The following DYNLL1 variants were observed in gnomAD, a reference collection of about 807,000 sequenced individuals.
DYNLL1 encodes the protein dynein light chain 1, cytoplasmic.
A neutral mutation model predicts 10.1 loss-of-function variants in DYNLL1; 3 were observed. The observed-to-expected ratio is 0.30, with a 90% CI of 0.14 to 0.77. The LOEUF (loss-of-function observed/expected upper bound fraction) is 0.77. Ranked by LOEUF, DYNLL1 falls within the 30% of genes least tolerant of loss-of-function variation. DYNLL1 has a pLI of 0.66. For missense variants in DYNLL1, 47 were observed against 111.7 expected (o/e 0.42, Z 2.61); for synonymous variants, 46 against 41.2 (o/e 1.12, Z -0.45).
chr12:120,496,175 C>A lies in DYNLL1; in HGVS notation c.-48C>A, dbSNP rs909928679. 10 of 611,512 alleles carry A rather than the reference C, an allele frequency of 1.6e-5. No individual in the cohort carries two copies. Among genetic ancestry groups the A allele is most frequent in the South Asian group, 7.8e-5 (4 of 51,114 alleles). The allele number at this position is 611,512 out of a possible 1,614,324, so 37.9% of individuals were successfully genotyped here. On this transcript the variant is annotated 5_prime_UTR_variant, in exon 1 of 3. Coordinates refer to ENST00000242577, the MANE Select transcript of DYNLL1 (RefSeq NM_003746.3). ...CCGGGCCTGAGCTGTGCTAGCACCTCCCCCAGGAGACCGTTGCAGTCGGCC... is the reference window on the plus strand; with the variant it reads ...CCGGGCCTGAGCTGTGCTAGCACCTACCCCAGGAGACCGTTGCAGTCGGCC...
At chr12:120,496,075 C>T (rs1437328994), upstream of DYNLL1, 1 of 403,154 alleles carries the variant, frequency 2.5e-6, no homozygotes, top group East Asian at 5.3e-5. Context: ...AGGGCGGGGC[C>T]TGAGCACTAG....
At chr12:120,470,458 G>A (rs1299416682) in intron 1 of DYNLL1, among the ~76,000 whole-genome samples, 1 of 152,052 alleles carries the variant, frequency 6.6e-6, no homozygotes, top group Non-Finnish European at 1.5e-5. Context: ...GTGAGGCCTT[G>A]CACCAGAAGA....
chr12:120,473,375 G>A (rs1878688961), intron 1 of DYNLL1, among the ~76,000 whole-genome samples: 2 of 151,904 alleles, frequency 1.3e-5, no homozygotes. Flanking sequence ...GCTAGGCAAT[G>A]TAGTGAGACC....
At chr12:120,497,433 G>A (rs1312930009) in intron 2 of DYNLL1, 1 of 152,606 alleles carries the variant, frequency 6.6e-6, no homozygotes, top group East Asian at 1.9e-4. Context: ...GGATAGATGT[G>A]AAGAGGACGG....
At chr12:120,497,438 G>A (rs1868487237) in intron 2 of DYNLL1, 1 of 152,554 alleles carries the variant, frequency 6.6e-6, no homozygotes, top group African/African-American at 2.4e-5. Context: ...GATGTGAAGA[G>A]GACGGCTGTT....
At chr12:120,488,659 C>G (rs891442125) in intron 1 of DYNLL1, 3 of 152,256 alleles carry the variant, frequency 2.0e-5, no homozygotes, top group Non-Finnish European at 4.4e-5. Flanking sequence ...CGCAGGTAAT[C>G]CCAGCACTTT....
intron 1 of DYNLL1, among the ~76,000 whole-genome samples, chr12:120,484,976 G>C (rs1355700374): frequency 6.6e-6 from 1 of 152,200 alleles, no homozygotes; most frequent in Non-Finnish European, 1.5e-5. Context: ...CTGACCGCAA[G>C]TGATCCAACC....
intron 2 of DYNLL1, 43 bp from the exon 3 acceptor site, chr12:120,498,030 T>G: frequency 6.3e-7 from 1 of 1,594,670 alleles, no homozygotes; most frequent in Non-Finnish European, 8.6e-7. Flanking sequence ...AACACTGACC[T>G]CTGGTAATTA....
At chr12:120,492,545 T>G (rs1378007544), upstream of DYNLL1, among the ~76,000 whole-genome samples, 2 of 152,050 alleles carry the variant, frequency 1.3e-5, no homozygotes, top group Non-Finnish European at 2.9e-5. The surrounding 1 kb of genome is among the most constrained non-coding windows in gnomAD (Gnocchi z 4.1). Flanking sequence ...CCAGCCTGGG[T>G]GACAGAGCAA....
At position 120,496,365 on chromosome 12, in the gene DYNLL1, C is replaced by T. The variant is rs541588936; in HGVS notation, c.-6-51C>T. ...CCGGCCGGGGTGGGGGCAGTTAGTG[C>T]CTGGGGGGCGCGGCCCAACTCAACC... On this transcript the variant is annotated intron_variant, in intron 1 of 2. Coordinates refer to ENST00000242577, the MANE Select transcript of DYNLL1 (RefSeq NM_003746.3). 1.2e-4 allele frequency: 191 copies of T among 1,608,902 alleles called. 1 individual carries two copies. In the African/African-American group the frequency reaches 2.0e-3, roughly 17 times the overall value.
chr12:120,480,785 G>C, intron 1 of DYNLL1, among the ~76,000 whole-genome samples: 1 of 147,046 alleles, frequency 6.8e-6, no homozygotes, highest in African/African-American at 2.5e-5. Flanking sequence ...TTTTTGAGAC[G>C]GAGTCTCGCT....
intron 1 of DYNLL1, among the ~76,000 whole-genome samples, chr12:120,470,409 C>T (rs1878620290): frequency 6.6e-6 from 1 of 152,076 alleles, no homozygotes; most frequent in Admixed American, 6.5e-5. Context: ...TCCACATTCA[C>T]ATCCCAGAAC....
In DYNLL1 at chr12:120,496,529, G is replaced by C; in HGVS notation, c.108G>C (p.Lys36Asn). 1 of 1,614,172 alleles carries C rather than the reference G, an allele frequency of 6.2e-7. No homozygotes were observed. Among genetic ancestry groups the C allele is most frequent in the Non-Finnish European group, 8.5e-7 (1 of 1,180,030 alleles). Residue 36 changes from lysine to asparagine, a missense_variant, in exon 2 of 3, where the codon AAG becomes AAC. Lys to Asn is a moderately conservative substitution (Grantham distance 94, BLOSUM62 0). Coordinates refer to ENST00000242577, the MANE Select transcript of DYNLL1 (RefSeq NM_003746.3). ...TQALEKYNIE[K>N]DIAAHIKKEF... ...CGCTGGAGAAATACAACATAGAGAAGGACATTGCGGCTCATATCAAGAAGG... is the reference window on the plus strand; with the variant it reads ...CGCTGGAGAAATACAACATAGAGAACGACATTGCGGCTCATATCAAGAAGG...
intron 1 of DYNLL1, among the ~76,000 whole-genome samples, chr12:120,474,921 G>A (rs1032471342): frequency 2.0e-5 from 3 of 152,280 alleles, no homozygotes; most frequent in Non-Finnish European, 4.4e-5. Context: ...GTGTGATGGA[G>A]TAAAATAAAA....
Position 120,487,309 on chromosome 12 carries a change from T to C in DYNLL1, c.-6-9107T>C, listed in dbSNP as rs1353844033. ...TTTTTTTTTTTTTTTTTTTTTTTTT[T>C]TGAGACGGACTCTTGCTCTGTTGCC... is the stretch of plus-strand genomic sequence containing the variant. On this transcript the variant is annotated intron_variant, in intron 1 of 2. Transcript: ENST00000392509. Among the ~76,000 whole-genome samples the C allele has an allele frequency of 4.2e-4, 32 of 75,884 alleles. 1 individual carries two copies. The highest frequency in any genetic ancestry group is 1.3e-4 in the Non-Finnish European group (5 of 39,222). The allele number at this position is 75,884 out of a possible 152,430, so 49.8% of individuals were successfully genotyped here.
intron 1 of DYNLL1, among the ~76,000 whole-genome samples, chr12:120,476,931 T>G (rs1274558968): frequency 1.4e-5 from 2 of 146,922 alleles, no homozygotes; most frequent in African/African-American, 5.1e-5. Context: ...TGTTTTGTTT[T>G]TTTTGTTTTT....
chr12:120,472,560 C>A (rs932797691), intron 1 of DYNLL1, among the ~76,000 whole-genome samples: 7 of 151,900 alleles, frequency 4.6e-5, no homozygotes, highest in African/African-American at 1.7e-4. Flanking sequence ...CCTACCACTC[C>A]TATGTGATTG....
chr12:120,492,131 C>T (rs966201289), upstream of DYNLL1: 4 of 152,132 alleles, frequency 2.6e-5, no homozygotes, highest in Admixed American at 1.3e-4. This position sits in a 1 kb window ranked among gnomAD's most constrained non-coding sequence, Gnocchi z 4.1. Flanking sequence ...AAGAGACGAA[C>T]AGTTCTTACC....
chr12:120,478,350 G>A (rs1447141530), intron 1 of DYNLL1, among the ~76,000 whole-genome samples: 8 of 144,336 alleles, frequency 5.5e-5, no homozygotes, highest in African/African-American at 1.3e-4. Context: ...CAGGTGATCC[G>A]CCCGCCTCGA....
Sources: allele counts gnomAD v4.1 joint callset (sites outside exome capture counted in the v4.1 genomes callset), GRCh38; gene constraint gnomAD v4.1.1; non-coding constraint Gnocchi (gnomAD v3.1); transcripts MANE v1.5; gene names NCBI Gene and HGNC (gene_info 2026-07-23, HGNC 2026-07-21).